ANO6: variants seen among roughly 807,000 people sequenced by gnomAD.
ANO6 encodes anoctamin 6.
Under a neutral mutation model 117.5 loss-of-function variants are expected in ANO6, and 106 were observed. The observed-to-expected ratio is 0.90, with a 90% CI of 0.77 to 1.06. The LOEUF is 1.06. Among genes scored for constraint, ANO6 ranks in the 50% least tolerant of loss-of-function variants. The pLI, the probability that ANO6 is intolerant of heterozygous loss-of-function variation, is 0.00. For synonymous variants in ANO6, 367 were observed against 385.1 expected, an observed-to-expected ratio of 0.95 and a Z score of 0.55; for missense variants, 955 against 1,121.1, an observed-to-expected ratio of 0.85 and a Z score of 2.12.
At chr12:45,228,399 A>C (rs1947522235) in intron 1 of ANO6, 1 of 234,416 alleles carries the variant, frequency 4.3e-6, no homozygotes, top group African/African-American at 2.4e-5. Flanking sequence ...TCAGCCTCTC[A>C]AAGTGCTGAG....
At chr12:45,392,053 C>T (rs1413725335) in intron 12 of ANO6, among the ~76,000 whole-genome samples, 3 of 152,258 alleles carry the variant, frequency 2.0e-5, no homozygotes, top group Non-Finnish European at 4.4e-5. Flanking sequence ...AGGGCATCGC[C>T]TCACCCAGGA....
At chr12:45,227,182 G>T (rs559295544) in intron 1 of ANO6, among the ~76,000 whole-genome samples, 1 of 151,802 alleles carries the variant, frequency 6.6e-6, no homozygotes, top group Non-Finnish European at 1.5e-5. Flanking sequence ...TAGAGACAAG[G>T]TTTCACCATG....
At chr12:45,239,184 G>T (rs527789961) in intron 1 of ANO6, among the ~76,000 whole-genome samples, 1 of 152,216 alleles carries the variant, frequency 6.6e-6, no homozygotes, top group South Asian at 2.1e-4. Context: ...ACTTTTTTTG[G>T]TTGGTAGCTA....
At chr12:45,351,411 C>T (rs985827919) in intron 7 of ANO6, among the ~76,000 whole-genome samples, 2 of 152,164 alleles carry the variant, frequency 1.3e-5, no homozygotes, top group Non-Finnish European at 2.9e-5. Context: ...TGTTGGTTTT[C>T]CTCCAGAAGC....
intron 1 of ANO6, among the ~76,000 whole-genome samples, chr12:45,260,705 G>A (rs1040745942): frequency 3.3e-5 from 5 of 152,254 alleles, no homozygotes; most frequent in African/African-American, 1.2e-4. Context: ...CTTGAAGAGA[G>A]GATTGAGAGG....
At chr12:45,241,853 C>T (rs965305160) in intron 1 of ANO6, among the ~76,000 whole-genome samples, 1 of 152,206 alleles carries the variant, frequency 6.6e-6, no homozygotes, top group African/African-American at 2.4e-5. Context: ...ACTCCAGACC[C>T]TGTTTGCCTG....
Position 45,403,197 on chromosome 12 carries a change from C to T in ANO6, c.1738C>T (p.Pro580Ser), listed in dbSNP as rs1297885463. The T allele has an allele frequency of 2.5e-6, 4 of 1,613,898 alleles. No homozygotes were observed. The highest frequency in any genetic ancestry group is 2.5e-6 in the Non-Finnish European group (3 of 1,179,896). Residue 580 changes from proline to serine, a missense_variant, in exon 14 of 20, where the codon CCA (proline) becomes TCA (serine). Pro to Ser is a moderately conservative substitution (Grantham distance 74). Coordinates refer to ENST00000320560, the MANE Select transcript of ANO6 (RefSeq NM_001025356.3). ...AFFKGKFVGYPGDPVYWLGKY... is the reference protein window; with the variant it reads ...AFFKGKFVGYSGDPVYWLGKY... ...CTTTAAGGGCAAATTTGTAGGCTATCCAGGAGACCCAGTTTATTGGTTGGG... is the reference window on the plus strand; with the variant it reads ...CTTTAAGGGCAAATTTGTAGGCTATTCAGGAGACCCAGTTTATTGGTTGGG...
intron 1 of ANO6, among the ~76,000 whole-genome samples, chr12:45,257,246 G>T (rs1937866998): frequency 6.6e-6 from 1 of 152,120 alleles, no homozygotes; most frequent in Non-Finnish European, 1.5e-5. Context: ...ATTCACACTT[G>T]CAGTTTCAGA....
intron 6 of ANO6, among the ~76,000 whole-genome samples, chr12:45,349,058 T>A (rs1432045343): frequency 6.6e-6 from 1 of 152,190 alleles, no homozygotes; most frequent in Non-Finnish European, 1.5e-5. Flanking sequence ...GAGGATTAAA[T>A]TAATCCATTA....
intron 1 of ANO6, among the ~76,000 whole-genome samples, chr12:45,261,615 T>G (rs1198230914): frequency 6.6e-6 from 1 of 152,254 alleles, no homozygotes; most frequent in African/African-American, 2.4e-5. Context: ...AAGGACTTGC[T>G]TCTAATTTAT....
At chr12:45,356,810 A>G (rs959756556) in intron 7 of ANO6, among the ~76,000 whole-genome samples, 3 of 152,160 alleles carry the variant, frequency 2.0e-5, no homozygotes, top group African/African-American at 7.2e-5. Flanking sequence ...GTGGATCCGT[A>G]CAGTTCAACC....
Position 45,429,133 on chromosome 12 carries a change from T to C in ANO6, c.2555T>C (p.Ile852Thr). 1 of 1,613,796 alleles carries C rather than the reference T, an allele frequency of 6.2e-7. No individual in the cohort carries two copies. Among genetic ancestry groups the C allele is most frequent in the Non-Finnish European group, 8.5e-7 (1 of 1,179,902 alleles). The change falls in exon 20 of 20, where the codon ATT (isoleucine) becomes ACT (threonine). Residue 852 changes from isoleucine to threonine, a missense_variant. Transcript: ENST00000320560. ...GTCATCTACTCTGTGAAATTTTTCATTTCATATGCAATTCCCGATGTATCA... is the reference window on the plus strand; with the variant it reads ...GTCATCTACTCTGTGAAATTTTTCACTTCATATGCAATTCCCGATGTATCA... ...EHVIYSVKFFISYAIPDVSKR... is the reference protein window; with the variant it reads ...EHVIYSVKFFTSYAIPDVSKR...
At chr12:45,255,299 A>G (rs776151781) in intron 1 of ANO6, among the ~76,000 whole-genome samples, 4 of 152,174 alleles carry the variant, frequency 2.6e-5, no homozygotes, top group South Asian at 2.1e-4. Flanking sequence ...AAAAGCAGGA[A>G]TGTCATCTTG....
chr12:45,238,973 G>A (rs1017570469), intron 1 of ANO6, among the ~76,000 whole-genome samples: 1 of 152,194 alleles, frequency 6.6e-6, no homozygotes, highest in African/African-American at 2.4e-5. Context: ...CTGTATCGAT[G>A]TTCATCAGGG....
intron 3 of ANO6, among the ~76,000 whole-genome samples, chr12:45,332,715 G>C (rs1940708419): frequency 6.6e-6 from 1 of 152,032 alleles, no homozygotes; most frequent in Non-Finnish European, 1.5e-5. Flanking sequence ...GTCCTTTGCA[G>C]TTATCAAGAA....
At position 45,432,003 on chromosome 12, in the gene ANO6, A is replaced by G; in HGVS notation, c.*2692A>G. 3 of 985,412 alleles carry G rather than the reference A, an allele frequency of 3.0e-6. No homozygotes were observed. Among genetic ancestry groups the G allele is most frequent in the Non-Finnish European group, 3.6e-6 (3 of 829,874 alleles). The allele number at this position is 985,412 out of a possible 1,614,324, so 61.0% of individuals were successfully genotyped here. ...TTTTATTTTAAAACTAAACAAGGCC[A>G]TCTTATAAACTGTCACCAAAGTCTT... On this transcript the variant is annotated 3_prime_UTR_variant, in exon 20 of 20. Coordinates refer to ENST00000320560, the MANE Select transcript of ANO6 (RefSeq NM_001025356.3).
chr12:45,240,351 ATTTTTTTTTTTTTTTTTTT>A (rs57126852), intron 1 of ANO6, among the ~76,000 whole-genome samples: 39 of 30,738 alleles, frequency 1.3e-3, no homozygotes, highest in African/African-American at 1.4e-3. Context: ...GCAACCCCTG[ATTTTTTTTTTTTTTTTTTT>A]TTTTTTTTTT....
At chr12:45,423,164 T>C (rs1370854090) in intron 19 of ANO6, 102 bp downstream of exon 19, 1 of 866,896 alleles carries the variant, frequency 1.2e-6, no homozygotes, top group East Asian at 2.4e-5. Context: ...TACTTTCTTC[T>C]TATCACTTGC....
intron 3 of ANO6, among the ~76,000 whole-genome samples, chr12:45,334,649 C>G (rs956571331): frequency 6.6e-6 from 1 of 152,038 alleles, no homozygotes; most frequent in Non-Finnish European, 1.5e-5. Context: ...TCTTTCATCT[C>G]TTGAGTCACC....
Sources: allele counts gnomAD v4.1 joint callset (sites outside exome capture counted in the v4.1 genomes callset), GRCh38; gene constraint gnomAD v4.1.1; transcripts MANE v1.5; gene names NCBI Gene and HGNC (gene_info 2026-07-23, HGNC 2026-07-21).